SYTL1: variants seen among roughly 807,000 people sequenced by gnomAD.
The protein encoded by SYTL1 is synaptotagmin-like protein 1.
SYTL1 carries 53 observed loss-of-function variants against 74.6 expected under a neutral mutation model. The ratio of observed to expected loss-of-function variants is 0.71; its 90% CI spans 0.57 to 0.89. The LOEUF (loss-of-function observed/expected upper bound fraction) is 0.89, where lower values mean the gene tolerates loss of function less well. Ranked by LOEUF, SYTL1 falls within the 40% of genes least tolerant of loss-of-function variation. The pLI, the probability that SYTL1 is intolerant of heterozygous loss-of-function variation, is 0.00. For synonymous variants in SYTL1, 329 were observed against 324.9 expected, an observed-to-expected ratio of 1.01 and a Z score of -0.14; for missense variants, 728 against 768.7, an observed-to-expected ratio of 0.95 and a Z score of 0.63.
rs760662620 is a variant in SYTL1, at chr1:27,353,470, C to T, written c.1531C>T (p.Arg511Cys). 123 of 1,603,434 alleles carry T rather than the reference C, an allele frequency of 7.7e-5. No individual in the cohort carries two copies. The highest frequency in any genetic ancestry group is 1.0e-4 in the Non-Finnish European group (122 of 1,175,818). ...GGCCAACCGCCAGCTGGGGGGCACA[C>T]GCCTCAGCCTGGGCACCGGTAAGTG... is the stretch of plus-strand genomic sequence containing the variant. ...ALANRQLGGT[R>C]LSLGTGSSYG... Residue 511 changes from arginine to cysteine, a missense_variant, in exon 14 of 15, where the codon CGC becomes TGC. Arg to Cys is a radical substitution (Grantham distance 180). Transcript: ENST00000616558.
In SYTL1 at chr1:27,353,369, T is replaced by A; in HGVS notation, c.1430T>A (p.Met477Lys). The change falls in exon 14 of 15, where the codon ATG becomes AAG. Residue 477 changes from methionine to lysine, a missense_variant. Transcript: ENST00000616558. ...CTCAGCCCTGTGTTCAATCACACCATGGTGTACGATGGCTTTGGGCCTGCT... is the reference window on the plus strand; with the variant it reads ...CTCAGCCCTGTGTTCAATCACACCAAGGTGTACGATGGCTTTGGGCCTGCT... ...RSLSPVFNHT[M>K]VYDGFGPADL... 6.2e-7 allele frequency: 1 copy of A among 1,611,584 alleles called. No homozygotes were observed. Among genetic ancestry groups the A allele is most frequent in the Non-Finnish European group, 8.5e-7 (1 of 1,179,244 alleles).
rs763645752 is a variant in SYTL1, at chr1:27,349,933, C to G, written c.748-39C>G. 6 of 1,562,400 alleles carry G rather than the reference C, an allele frequency of 3.8e-6. No homozygotes were observed. The East Asian group carries it at 1.4e-4, about 37-fold the overall frequency. On this transcript the variant is annotated intron_variant, in intron 8 of 14. Transcript: ENST00000616558. ...GCTGCCCGCGGCCCCGACGTGAGCC[C>G]TGCGAGCGGCCCTGACTCCCACCCA...
Position 27,350,827 on chromosome 1 carries a change from G to A in SYTL1, c.1039G>A (p.Val347Met), listed in dbSNP as rs756819183. Residue 347 changes from valine (V) to methionine (M), a missense_variant, in exon 11 of 15, where the codon GTG (valine) becomes ATG (methionine). Val to Met is a conservative substitution (Grantham distance 21). Coordinates refer to ENST00000616558, the MANE Select transcript of SYTL1 (RefSeq NM_001193308.2). This position sits in a 1 kb window ranked among gnomAD's most constrained non-coding sequence, Gnocchi z 6.3. ...CCCGCAGGCCGAGCTTCAGGGCCGC[G>A]TGCTGAGCCTGTCTGTGTGGCACCG... ...SVPQAELQGR[V>M]LSLSVWHRES... is the part of the protein sequence containing the mutation. 2.5e-6 allele frequency: 4 copies of A among 1,613,708 alleles called. No individual in the cohort carries two copies. Among genetic ancestry groups the A allele is most frequent in the African/African-American group, 2.7e-5 (2 of 74,922 alleles).
chr1:27,353,853 C>A lies in SYTL1; in HGVS notation c.*1C>A. 6.2e-7 allele frequency: 1 copy of A among 1,611,600 alleles called. No individual in the cohort carries two copies. On this transcript the variant is annotated 3_prime_UTR_variant, in exon 15 of 15. Coordinates refer to ENST00000616558, the MANE Select transcript of SYTL1 (RefSeq NM_001193308.2). ...AACCAACCTGGCCCCCAGGACGTAGCCCCACCAAGCCTCTCTCTCTGGACC... is the reference window on the plus strand; with the variant it reads ...AACCAACCTGGCCCCCAGGACGTAGACCCACCAAGCCTCTCTCTCTGGACC...
rs561003279 is a variant in SYTL1, at chr1:27,349,077, C to T, written c.460-3C>T. 4.3e-6 allele frequency: 7 copies of T among 1,612,414 alleles called. No individual in the cohort carries two copies. The East Asian group carries it at 6.7e-5, about 15-fold the overall frequency. On this transcript the variant is annotated splice_polypyrimidine_tract_variant and splice_region_variant and intron_variant, in intron 5 of 14. Coordinates refer to ENST00000616558, the MANE Select transcript of SYTL1 (RefSeq NM_001193308.2). The stretch of plus-strand genomic sequence containing the variant: ...TGTGACCTCTACCCCTTTCTTCCTT[C>T]AGGGACCTGATTTCCCATCGCCTTC...
Position 27,349,685 on chromosome 1 carries a change from G to A in SYTL1, c.667G>A (p.Glu223Lys). ...KAASQILENG[E>K]EAPGPDPSLD... ...CGCGTCCCAGATCCTGGAGAATGGG[G>A]AGGAGGCCCCGGGGCCCGACCCCTC... Residue 223 changes from glutamate (E) to lysine (K), a missense_variant, in exon 8 of 15, where the codon GAG becomes AAG. By Grantham distance (56) the Glu-to-Lys change is moderately conservative. Coordinates refer to ENST00000616558, the MANE Select transcript of SYTL1 (RefSeq NM_001193308.2). The A allele has an allele frequency of 1.9e-6, 3 of 1,611,288 alleles. No individual in the cohort carries two copies. The highest frequency in any genetic ancestry group is 2.7e-5 in the African/African-American group (2 of 74,994).
rs1252232381 is a variant in SYTL1, at chr1:27,350,234, G to C, written c.908+102G>C. On this transcript the variant is annotated intron_variant, in intron 9 of 14. Transcript: ENST00000616558. This position sits in a 1 kb window ranked among gnomAD's most constrained non-coding sequence, Gnocchi z 6.3. ...CCTCATCTTCAAAATGGGAACAACA[G>C]CGTTATTGGGAGGCGTGCGATTAAG... The C allele has an allele frequency of 6.7e-7, 1 of 1,485,892 alleles. No homozygotes were observed. The highest frequency in any genetic ancestry group is 2.0e-5 in the Admixed American group (1 of 51,156). 92.0% of individuals were successfully genotyped at this position (1,485,892 alleles called of 1,614,324 possible). A position where few individuals can be genotyped will look rare whatever the true frequency, so the allele number is the denominator to read the frequency against.
At chr1:27,349,554 G>A (rs778663057) in intron 7 of SYTL1, 56 bp downstream of exon 7, 4 of 1,473,458 alleles carry the variant, frequency 2.7e-6, no homozygotes, top group South Asian at 2.7e-5. Context: ...TCCGGGCGGG[G>A]AGCGCTCCTG....
rs2015193627 is a variant in SYTL1, at chr1:27,350,105, C to CCGCCGCCCGG, written c.889_898dup (p.Arg300ProfsTer17). ...CACGTGATCCAGTGCCAGGGCCTGG[C>CCGCCGCCCGG]CGCCGCCCGGCGCCGCCGCTCGGAC... is the stretch of plus-strand genomic sequence containing the variant. On this transcript the variant is annotated frameshift_variant, in exon 9 of 15. Coordinates refer to ENST00000616558, the MANE Select transcript of SYTL1 (RefSeq NM_001193308.2). LOFTEE classifies it high-confidence loss of function. The surrounding 1 kb of genome is among the most constrained non-coding windows in gnomAD (Gnocchi z 6.3). 1.4e-5 allele frequency: 20 copies of CCGCCGCCCGG among 1,402,712 alleles called. No homozygotes were observed. Among genetic ancestry groups the CCGCCGCCCGG allele is most frequent in the Non-Finnish European group, 1.7e-5 (18 of 1,084,508 alleles). 86.9% of individuals were successfully genotyped at this position (1,402,712 alleles called of 1,614,324 possible).
In SYTL1 at chr1:27,349,281, C is replaced by A. The variant is rs2015134507; in HGVS notation, c.533-117C>A. 2.7e-6 allele frequency: 4 copies of A among 1,471,592 alleles called. No homozygotes were observed. In the Admixed American group the frequency reaches 1.0e-4, roughly 37 times the overall value. 91.2% of individuals were successfully genotyped at this position (1,471,592 alleles called of 1,614,324 possible). On this transcript the variant is annotated intron_variant, in intron 6 of 14. Coordinates refer to ENST00000616558, the MANE Select transcript of SYTL1 (RefSeq NM_001193308.2). ...ACCCCGCGTCGGAGGTGGGGACGAT[C>A]CCAGGGCAGCACCGGGGCCTGAATC...
chr1:27,349,106 C>G lies in SYTL1; in HGVS notation c.486C>G (p.Val162=). 6.2e-7 allele frequency: 1 copy of G among 1,613,968 alleles called. No individual in the cohort carries two copies. Among genetic ancestry groups the G allele is most frequent in the South Asian group, 1.1e-5 (1 of 91,070 alleles). ...TEGPDFPSPS[V]PLKASDPEEA... ...GACCTGATTTCCCATCGCCTTCTGT[C>G]CCCCTAAAGGCTTCAGATCCTGAGG... is the stretch of plus-strand genomic sequence containing the variant. Residue 162 remains valine (V), a synonymous_variant, in exon 6 of 15, where the codon GTC becomes GTG. Transcript: ENST00000616558.
Position 27,348,023 on chromosome 1 carries a change from G to A in SYTL1, c.459+11G>A, listed in dbSNP as rs1237321385. The A allele has an allele frequency of 3.7e-6, 6 of 1,613,652 alleles. No homozygotes were observed. In the Admixed American group the frequency reaches 6.7e-5, roughly 18 times the overall value. ...CTCAGGGAGACTGAGGTAAGTGAAT[G>A]AGCCAACATGTGAGTACAGTGTCCC... is the stretch of plus-strand genomic sequence containing the variant. On this transcript the variant is annotated intron_variant, in intron 5 of 14. Transcript: ENST00000616558. The surrounding 1 kb of genome is among the most constrained non-coding windows in gnomAD (Gnocchi z 4.1).
chr1:27,345,362 G>T lies in SYTL1; in HGVS notation c.28G>T (p.Glu10Ter). 1 of 1,542,574 alleles carries T rather than the reference G, an allele frequency of 6.5e-7. No individual in the cohort carries two copies. Among genetic ancestry groups the T allele is most frequent in the East Asian group, 2.5e-5 (1 of 40,462 alleles). MPQRGHPSQEGLWALPSLPM... is the reference protein window; with the variant it reads MPQRGHPSQ ...GCCCCAGAGGGGCCACCCATCGCAA[G>T]AGGGGCTTTGGGCTCTGCCCTCCCT... The change falls in exon 2 of 15, where the codon GAG becomes TAG. Residue 10 changes from glutamate to a stop codon, truncating the protein, a stop_gained. Coordinates refer to ENST00000616558, the MANE Select transcript of SYTL1 (RefSeq NM_001193308.2). LOFTEE classifies it high-confidence loss of function. This position sits in a 1 kb window ranked among gnomAD's most constrained non-coding sequence, Gnocchi z 6.0.
intron 13 of SYTL1, chr1:27,353,023 T>C (rs1389779627): frequency 1.0e-5 from 5 of 478,540 alleles, no homozygotes; most frequent in Admixed American, 6.8e-5. Flanking sequence ...TGACCTCAGG[T>C]GATCCACCCA....
Position 27,350,956 on chromosome 1 carries a change from A to C in SYTL1, c.1164+4A>C. On this transcript the variant is annotated splice_donor_region_variant and intron_variant, in intron 11 of 14. Coordinates refer to ENST00000616558, the MANE Select transcript of SYTL1 (RefSeq NM_001193308.2). The surrounding 1 kb of genome is among the most constrained non-coding windows in gnomAD (Gnocchi z 6.3). ...CTGGCTCCCCCTGCAGCCCCGGGTG[A>C]GGCAGCCAGGCCGCGTGGGGAGACC... is the stretch of plus-strand genomic sequence containing the variant. 6.2e-7 allele frequency: 1 copy of C among 1,612,574 alleles called. No individual in the cohort carries two copies. The highest frequency in any genetic ancestry group is 1.3e-5 in the African/African-American group (1 of 74,960).
At chr1:27,344,563 T>A (rs1246270726) in intron 1 of SYTL1, among the ~76,000 whole-genome samples, 1 of 139,444 alleles carries the variant, frequency 7.2e-6, no homozygotes, top group African/African-American at 2.6e-5. Context: ...TTTAAGAACA[T>A]GTGTAGGGCC....
At position 27,350,545 on chromosome 1, in the gene SYTL1, G is replaced by C. The variant is rs2015221988; in HGVS notation, c.1005+60G>C. 2 of 1,431,068 alleles carry C rather than the reference G, an allele frequency of 1.4e-6. No individual in the cohort carries two copies. The highest frequency in any genetic ancestry group is 4.6e-5 in the East Asian group (2 of 43,770). 88.6% of individuals were successfully genotyped at this position (1,431,068 alleles called of 1,614,324 possible). A position where few individuals can be genotyped will look rare whatever the true frequency, so the allele number is the denominator to read the frequency against. ...TGAACTGGACGCCCCCTTCCTGCGGGGCTAGGTGGCAAGGGCAGCCAGTAA... is the reference window on the plus strand; with the variant it reads ...TGAACTGGACGCCCCCTTCCTGCGGCGCTAGGTGGCAAGGGCAGCCAGTAA... On this transcript the variant is annotated intron_variant, in intron 10 of 14. Coordinates refer to ENST00000616558, the MANE Select transcript of SYTL1 (RefSeq NM_001193308.2). This position sits in a 1 kb window ranked among gnomAD's most constrained non-coding sequence, Gnocchi z 6.3.
intron 8 of SYTL1, 86 bp downstream of exon 8, chr1:27,349,851 G>T: frequency 6.5e-7 from 1 of 1,536,144 alleles, no homozygotes; most frequent in Non-Finnish European, 8.7e-7. Flanking sequence ...CTCGCCGCGG[G>T]ACCCACCGCT....
rs2015279159 is a variant in SYTL1, at chr1:27,351,546, AC to A, written c.1335del (p.Tyr445Ter). On this transcript the variant is annotated frameshift_variant, in exon 13 of 15. Transcript: ENST00000616558. LOFTEE classifies it high-confidence loss of function. This position sits in a 1 kb window ranked among gnomAD's most constrained non-coding sequence, Gnocchi z 5.0. ...LPLRAGSLDT[Y>X]VQCFVLPDDS... ...CTGCGGGCAGGATCCCTGGACACTT[AC>A]GTACAATGGTGAGGAGTGCTGGCCC... is the stretch of plus-strand genomic sequence containing the variant. The A allele has an allele frequency of 6.5e-7, 1 of 1,544,684 alleles. No homozygotes were observed. The highest frequency in any genetic ancestry group is 1.4e-5 in the African/African-American group (1 of 72,824).
Sources: gnomAD v4.1 joint callset for allele counts (sites outside exome capture counted in the v4.1 genomes callset) on GRCh38, gnomAD v4.1.1 for gene constraint, Gnocchi (gnomAD v3.1) non-coding constraint, MANE v1.5 for transcripts, NCBI Gene and HGNC (gene_info 2026-07-23, HGNC 2026-07-21) for gene names.